Variants in UBE3D observed in about 807,000 individuals in gnomAD.
The protein encoded by UBE3D is ubiquitin protein ligase E3D.
In UBE3D, 48 loss-of-function variants were observed where a neutral mutation model predicts 49.6. The observed-to-expected ratio is 0.97, with a 90% CI of 0.77 to 1.23. UBE3D has a LOEUF of 1.23. UBE3D is among the 50% of genes most tolerant of loss of function. UBE3D has a pLI of 0.00. For missense variants in UBE3D, 452 were observed against 468.4 expected (o/e 0.96, Z 0.32); for synonymous variants, 189 against 174.2 (o/e 1.08, Z -0.67).
intron 9 of UBE3D, 144 bp from the exon 10 acceptor site, chr6:82,893,186 G>C (rs1357185628): frequency 3.3e-6 from 3 of 898,240 alleles, no homozygotes; most frequent in East Asian, 5.4e-5. Flanking sequence ...AGTGGATCTA[G>C]ACATTTTATT....
chr6:82,949,292 T>G (rs1351639671), intron 9 of UBE3D, among the ~76,000 whole-genome samples: 2 of 151,866 alleles, frequency 1.3e-5, no homozygotes, highest in Non-Finnish European at 2.9e-5. Flanking sequence ...TAAAATCACT[T>G]AGGAATTTAC....
intron 9 of UBE3D, among the ~76,000 whole-genome samples, chr6:82,949,030 A>T (rs1775601769): frequency 6.6e-6 from 1 of 152,112 alleles, no homozygotes; most frequent in Admixed American, 6.6e-5. Context: ...GCAATCAGAC[A>T]AGAGAAAGAA....
chr6:82,958,337 A>T lies in UBE3D; in HGVS notation c.1011-887T>A, dbSNP rs1341958590. ...CTTATTTCCTCTCTGATCTGCGACC[A>T]AAGTGTCTCTTATCACTAATTTTAA... On this transcript the variant is annotated intron_variant, in intron 8 of 9. Transcript: ENST00000369747. 2.6e-5 allele frequency among the ~76,000 whole-genome samples: 4 copies of T among 152,084 alleles called. No homozygotes were observed. In the East Asian group the frequency reaches 7.7e-4, roughly 29 times the overall value.
chr6:82,893,055 G>C lies in UBE3D; in HGVS notation c.1150-13C>G. On this transcript the variant is annotated splice_polypyrimidine_tract_variant and intron_variant, in intron 9 of 9. Transcript: ENST00000369747. The stretch of plus-strand genomic sequence containing the variant: ...TCAAAAAGGCCACCTGGAGAAGGAA[G>C]AAAAACCCACAATGCTTTACTTCTA... The C allele has an allele frequency of 6.2e-7, 1 of 1,613,332 alleles. No homozygotes were observed. The highest frequency in any genetic ancestry group is 8.5e-7 in the Non-Finnish European group (1 of 1,179,704).
chr6:82,893,186 G>A, intron 9 of UBE3D, 144 bp from the exon 10 acceptor site: 1 of 898,240 alleles, frequency 1.1e-6, no homozygotes, highest in Non-Finnish European at 1.7e-6. Context: ...AGTGGATCTA[G>A]ACATTTTATT....
intron 9 of UBE3D, among the ~76,000 whole-genome samples, chr6:82,917,773 A>T (rs1410585335): frequency 6.6e-6 from 1 of 152,204 alleles, no homozygotes; most frequent in African/African-American, 2.4e-5. Flanking sequence ...GCACAAACTT[A>T]AAGAGTCTGA....
Position 83,044,419 on chromosome 6 carries a change from A to G in UBE3D, c.597+9T>C, listed in dbSNP as rs776017564. The G allele has an allele frequency of 6.2e-7, 1 of 1,611,004 alleles. No homozygotes were observed. The highest frequency in any genetic ancestry group is 1.7e-5 in the Admixed American group (1 of 59,930). ...CTAAATTACCATTTATTTTGAAATG[A>G]TATTTTACCAATTTACAATGGTTGT... On this transcript the variant is annotated intron_variant, in intron 4 of 9. Transcript: ENST00000369747.
chr6:82,909,719 T>G (rs1772361836), intron 9 of UBE3D, among the ~76,000 whole-genome samples: 1 of 152,226 alleles, frequency 6.6e-6, no homozygotes, highest in African/African-American at 2.4e-5. Flanking sequence ...CTTCAAGTTT[T>G]GTACTTGTCT....
intron 8 of UBE3D, among the ~76,000 whole-genome samples, chr6:82,976,195 A>C (rs1777705879): frequency 6.6e-6 from 1 of 152,204 alleles, no homozygotes; most frequent in Admixed American, 6.5e-5. Flanking sequence ...CCAAACACTC[A>C]ACCTAACATC....
intron 8 of UBE3D, among the ~76,000 whole-genome samples, chr6:82,960,410 A>G (rs1776465307): frequency 6.6e-6 from 1 of 152,022 alleles, no homozygotes. Context: ...GCTCTCCATA[A>G]TCCACTATTG....
chr6:83,023,262 G>A (rs1202355065), intron 6 of UBE3D, among the ~76,000 whole-genome samples: 4 of 152,124 alleles, frequency 2.6e-5, no homozygotes, highest in Non-Finnish European at 4.4e-5. Flanking sequence ...ACTTATTGGT[G>A]ACTGGGTGAT....
intron 5 of UBE3D, among the ~76,000 whole-genome samples, chr6:83,035,802 T>C (rs1319708985): frequency 2.0e-5 from 3 of 152,208 alleles, no homozygotes; most frequent in African/African-American, 4.8e-5. Context: ...GATAATTTCC[T>C]ACATTCTGTT....
intron 9 of UBE3D, among the ~76,000 whole-genome samples, chr6:82,918,744 G>A (rs1410980441): frequency 6.6e-6 from 1 of 150,856 alleles, no homozygotes; most frequent in Non-Finnish European, 1.5e-5. Context: ...CCTTCCTCAG[G>A]CCTCCTAGAT....
chr6:83,028,453 G>A (rs1385180248), intron 5 of UBE3D, among the ~76,000 whole-genome samples: 2 of 152,112 alleles, frequency 1.3e-5, no homozygotes, highest in African/African-American at 4.8e-5. Context: ...AGTCCCAAAG[G>A]ATTGATCTCT....
At chr6:82,983,151 G>A (rs977801889) in intron 8 of UBE3D, among the ~76,000 whole-genome samples, 1 of 70,758 alleles carries the variant, frequency 1.4e-5, no homozygotes, top group Admixed American at 2.0e-4. Flanking sequence ...ATACCTGGCT[G>A]AAAGTTTTTT....
At chr6:82,980,117 G>A (rs1394583759) in intron 8 of UBE3D, among the ~76,000 whole-genome samples, 1 of 152,066 alleles carries the variant, frequency 6.6e-6, no homozygotes, top group African/African-American at 2.4e-5. Flanking sequence ...ACCCAGTAGT[G>A]GGATTGCTAG....
intron 8 of UBE3D, among the ~76,000 whole-genome samples, chr6:82,996,363 T>G (rs949339911): frequency 6.6e-6 from 1 of 151,228 alleles, no homozygotes; most frequent in African/African-American, 2.4e-5. Context: ...AATAAAATCA[T>G]AGTATGGATT....
intron 9 of UBE3D, among the ~76,000 whole-genome samples, chr6:82,936,312 G>T (rs979924261): frequency 5.3e-5 from 8 of 152,134 alleles, no homozygotes; most frequent in African/African-American, 1.9e-4. Context: ...TCTGATTTCT[G>T]CTAAAAACAT....
chr6:83,026,045 A>C (rs921713187), intron 5 of UBE3D, among the ~76,000 whole-genome samples: 1 of 152,114 alleles, frequency 6.6e-6, no homozygotes, highest in African/African-American at 2.4e-5. Flanking sequence ...CAAATGTCTA[A>C]AAATTGAGGA....
Sources: gnomAD v4.1 joint callset for allele counts (sites outside exome capture counted in the v4.1 genomes callset) on GRCh38, gnomAD v4.1.1 for gene constraint, MANE v1.5 for transcripts, NCBI Gene and HGNC (gene_info 2026-07-23, HGNC 2026-07-21) for gene names.